Variants in SVIL observed in about 807,000 individuals in gnomAD.
SVIL encodes archvillin.
Under a neutral mutation model 240.4 loss-of-function variants are expected in SVIL, and 101 were observed. The observed-to-expected ratio is 0.42, with a 90% CI of 0.36 to 0.50. The LOEUF is 0.50. Ranked by LOEUF, SVIL falls within the 20% of genes least tolerant of loss-of-function variation. The probability of loss-of-function intolerance (pLI) is 0.01; values close to 1 mark genes in which losing one functional copy is unlikely to be tolerated. For synonymous variants in SVIL, 999 were observed against 1,100.0 expected, an observed-to-expected ratio of 0.91 and a Z score of 1.82; for missense variants, 2,512 against 2,818.7, an observed-to-expected ratio of 0.89 and a Z score of 2.46.
chr10:29,722,013 G>A (rs1964016069), intron 1 of SVIL, among the ~76,000 whole-genome samples: 2 of 152,056 alleles, frequency 1.3e-5, no homozygotes, highest in South Asian at 2.1e-4. Flanking sequence ...CGAGGCAGGC[G>A]GATGACCTTT....
chr10:29,458,750 G>T, intron 36 of SVIL, 161 bp from the exon 37 acceptor site: 1 of 642,120 alleles, frequency 1.6e-6, no homozygotes, highest in Non-Finnish European at 2.4e-6. Context: ...AAAAGGGATC[G>T]CCCAAAGCCC....
At chr10:29,624,178 A>AG (rs1201169086) in intron 1 of SVIL, among the ~76,000 whole-genome samples, 3 of 151,560 alleles carry the variant, frequency 2.0e-5, no homozygotes, top group Admixed American at 2.0e-4. Flanking sequence ...AAAAAAAAAA[A>AG]AAAACCCCTA....
chr10:29,628,547 C>G (rs1024037320), intron 1 of SVIL, among the ~76,000 whole-genome samples: 1 of 152,154 alleles, frequency 6.6e-6, no homozygotes, highest in Non-Finnish European at 1.5e-5. Flanking sequence ...AAACGAGAGG[C>G]CTCTGATGAA....
chr10:29,458,407 C>A, intron 37 of SVIL, 27 bp downstream of exon 37: 1 of 1,598,536 alleles, frequency 6.3e-7, no homozygotes, highest in Non-Finnish European at 8.5e-7. Flanking sequence ...TTACTCCCAT[C>A]CCCACCCCAC....
rs190546378 is a variant in SVIL, at chr10:29,542,718, G to A, written c.828-6649C>T. On this transcript the variant is annotated intron_variant, in intron 6 of 37. Transcript: ENST00000355867. ...GTTATTTTAAAATGCACGATTATTAGACTATAGTCGCCCTGTTGTGCTAAC... is the reference window on the plus strand; with the variant it reads ...GTTATTTTAAAATGCACGATTATTAAACTATAGTCGCCCTGTTGTGCTAAC... Among the ~76,000 whole-genome samples, 779 of 152,270 alleles carry A rather than the reference G, an allele frequency of 5.1e-3. 49 individuals carry two copies. The South Asian group carries it at 0.12, about 24-fold the overall frequency.
intron 16 of SVIL, among the ~76,000 whole-genome samples, chr10:29,516,728 C>A (rs1950226600): frequency 6.6e-6 from 1 of 152,292 alleles, no homozygotes; most frequent in Middle Eastern, 3.4e-3. Flanking sequence ...GCCCGCTCAC[C>A]CAACGCCTGG....
At chr10:29,701,785 T>G in intron 1 of SVIL, among the ~76,000 whole-genome samples, 1 of 152,228 alleles carries the variant, frequency 6.6e-6, no homozygotes, top group African/African-American at 2.4e-5. Context: ...AAGCTATCTT[T>G]TGTGGCTGAC....
intron 1 of SVIL, among the ~76,000 whole-genome samples, chr10:29,708,760 G>T (rs886872854): frequency 6.6e-6 from 1 of 152,164 alleles, no homozygotes; most frequent in Admixed American, 6.5e-5. Flanking sequence ...AGCCTGCTGG[G>T]TGTGGGTGGA....
At chr10:29,641,621 T>C (rs1398785589) in intron 3 of SVIL, among the ~76,000 whole-genome samples, 1 of 152,282 alleles carries the variant, frequency 6.6e-6, no homozygotes, top group East Asian at 1.9e-4. Flanking sequence ...AAAGGACAAA[T>C]GTAAGACTAT....
chr10:29,541,891 T>C (rs943793744), intron 6 of SVIL, among the ~76,000 whole-genome samples: 5 of 152,200 alleles, frequency 3.3e-5, no homozygotes, highest in African/African-American at 1.2e-4. Flanking sequence ...ATGATATTTA[T>C]GAGCAGCCTG....
chr10:29,562,883 T>C (rs1954636921), intron 3 of SVIL, among the ~76,000 whole-genome samples: 1 of 151,556 alleles, frequency 6.6e-6, no homozygotes, highest in African/African-American at 2.4e-5. Flanking sequence ...CTCACTGCCC[T>C]TGGAGAAGGT....
intron 1 of SVIL, among the ~76,000 whole-genome samples, chr10:29,579,285 A>C (rs1227472503): frequency 6.6e-6 from 1 of 152,056 alleles, no homozygotes; most frequent in Non-Finnish European, 1.5e-5. Flanking sequence ...AAAATACAAA[A>C]AAATTAGCTG....
At chr10:29,721,454 A>G (rs1050516887) in intron 1 of SVIL, among the ~76,000 whole-genome samples, 1 of 152,102 alleles carries the variant, frequency 6.6e-6, no homozygotes, top group Non-Finnish European at 1.5e-5. Flanking sequence ...ACAACTGTAT[A>G]CTGCCTACAA....
chr10:29,606,583 C>G lies in SVIL; in HGVS notation c.-201+27837G>C, dbSNP rs115003034. On this transcript the variant is annotated intron_variant, in intron 1 of 37. Transcript: ENST00000355867. ...TGCATTTTAAAATTATGAATATTTC[C>G]TTGTATAACTATAATGCTATTATAT... Among the ~76,000 whole-genome samples the G allele has an allele frequency of 3.4e-3, 515 of 152,068 alleles. 8 individuals carry two copies. The highest frequency in any genetic ancestry group is 0.012 in the African/African-American group (500 of 41,444).
At chr10:29,657,552 T>A (rs901397473) in intron 3 of SVIL, among the ~76,000 whole-genome samples, 14 of 152,128 alleles carry the variant, frequency 9.2e-5, no homozygotes, top group African/African-American at 3.4e-4. Flanking sequence ...AATAGCACAG[T>A]TTCCAGAAGG....
At chr10:29,587,055 A>C (rs1318896580) in intron 1 of SVIL, among the ~76,000 whole-genome samples, 2 of 152,178 alleles carry the variant, frequency 1.3e-5, no homozygotes, top group African/African-American at 4.8e-5. Flanking sequence ...TTAAAAACAA[A>C]TTTTCCCGAT....
intron 2 of SVIL, among the ~76,000 whole-genome samples, chr10:29,673,575 AGGGG>A (rs201195355): frequency 7.8e-6 from 1 of 128,858 alleles, no homozygotes; most frequent in Non-Finnish European, 1.6e-5. Flanking sequence ...ACATGGCATT[AGGGG>A]GGAGAGAGAG....
intron 32 of SVIL, 68 bp from the exon 33 acceptor site, chr10:29,467,943 A>G: frequency 2.0e-6 from 3 of 1,526,924 alleles, no homozygotes; most frequent in Non-Finnish European, 2.7e-6. Context: ...AATTATTATT[A>G]CTATTATGAT....
Position 29,532,055 on chromosome 10 carries a change from G to A in SVIL, c.1956C>T (p.Ser652=), listed in dbSNP as rs145997696. ...TTATAGGTTGGGTTCTAAATCTCTCGGAAGTTTTTCTACTTTCACCAGGAG... is the reference window on the plus strand; with the variant it reads ...TTATAGGTTGGGTTCTAAATCTCTCAGAAGTTTTTCTACTTTCACCAGGAG... ...YFSPGESRKT[S]ERFRTQPITS... is the part of the protein sequence containing the mutation. Residue 652 remains serine, a synonymous_variant, in exon 9 of 38, where the codon TCC becomes TCT. Coordinates refer to ENST00000355867, the MANE Select transcript of SVIL (RefSeq NM_021738.3). 8.2e-5 allele frequency: 132 copies of A among 1,614,152 alleles called. No homozygotes were observed. The African/African-American group carries it at 1.3e-3, about 15-fold the overall frequency.
Sources: gnomAD v4.1 joint callset for allele counts (sites outside exome capture counted in the v4.1 genomes callset) on GRCh38, gnomAD v4.1.1 for gene constraint, MANE v1.5 for transcripts, NCBI Gene and HGNC (gene_info 2026-07-23, HGNC 2026-07-21) for gene names.